The following IDO2 variants were observed in gnomAD, a reference collection of about 807,000 sequenced individuals.
IDO2 encodes indoleamine 2,3-dioxygenase 2.
IDO2 carries 46 observed loss-of-function variants against 45.1 expected under a neutral mutation model. The ratio of observed to expected loss-of-function variants is 1.02; its 90% CI spans 0.80 to 1.30. IDO2 has a LOEUF of 1.30. IDO2 is among the 50% of genes most tolerant of loss of function. The probability of loss-of-function intolerance (pLI) is 0.00; values close to 1 mark genes in which losing one functional copy is unlikely to be tolerated. For missense variants in IDO2, 544 were observed against 491.8 expected, an observed-to-expected ratio of 1.11 and a Z score of -1.00; for synonymous variants, 218 against 184.9, an observed-to-expected ratio of 1.18 and a Z score of -1.45.
At position 39,985,380 on chromosome 8, in the gene IDO2, TTGCACACA is replaced by T; in HGVS notation, c.435-127_435-120del. ...TGGATGTGTGTGTGCCTGCAGTGCC[TTGCACACA>T]AGTGTGCATGCCTGTGGACATGTGA... On this transcript the variant is annotated intron_variant, in intron 5 of 10. Transcript: ENST00000502986. 1.6e-5 allele frequency: 12 copies of T among 772,498 alleles called. 1 individual carries two copies. In the South Asian group the frequency reaches 2.1e-4, roughly 13 times the overall value. The allele number at this position is 772,498 out of a possible 1,614,324, so 47.9% of individuals were successfully genotyped here.
intron 2 of IDO2, among the ~76,000 whole-genome samples, chr8:39,961,007 T>A (rs896132667): frequency 6.6e-6 from 1 of 152,288 alleles, no homozygotes; most frequent in Admixed American, 6.5e-5. Flanking sequence ...ATGGTCTTGA[T>A]CTCCTGACCT....
chr8:39,937,644 C>A (rs1807578231), intron 1 of IDO2, among the ~76,000 whole-genome samples: 1 of 151,980 alleles, frequency 6.6e-6, no homozygotes. Context: ...CCTCAACCCC[C>A]CACGTAGCTA....
At chr8:39,980,220 A>G (rs1808322800) in intron 4 of IDO2, among the ~76,000 whole-genome samples, 1 of 152,220 alleles carries the variant, frequency 6.6e-6, no homozygotes, top group Non-Finnish European at 1.5e-5. Context: ...TAAAGTAACA[A>G]GAGCCATACC....
At chr8:39,948,623 A>G (rs769491054) in intron 1 of IDO2, among the ~76,000 whole-genome samples, 4 of 152,198 alleles carry the variant, frequency 2.6e-5, no homozygotes, top group Non-Finnish European at 2.9e-5. Context: ...CTAATGGTAG[A>G]AAAAAAGAGA....
intron 7 of IDO2, among the ~76,000 whole-genome samples, chr8:39,988,520 C>T (rs147478943): frequency 4.5e-4 from 68 of 152,334 alleles, no homozygotes; most frequent in Admixed American, 1.2e-3. Context: ...CAATCTCCAC[C>T]TCCCAGGTTC....
intron 3 of IDO2, among the ~76,000 whole-genome samples, chr8:39,969,645 C>T (rs913902664): frequency 5.3e-5 from 8 of 152,272 alleles, no homozygotes; most frequent in Non-Finnish European, 7.4e-5. Context: ...GAAGCCAAGG[C>T]GGGGAGATCA....
At chr8:39,969,200 G>T (rs1234721058) in intron 3 of IDO2, among the ~76,000 whole-genome samples, 2 of 152,132 alleles carry the variant, frequency 1.3e-5, no homozygotes, top group African/African-American at 4.8e-5. Context: ...CTTGCATCAA[G>T]CAAGTCTGTC....
intron 2 of IDO2, among the ~76,000 whole-genome samples, chr8:39,958,275 C>T (rs1470751379): frequency 6.6e-6 from 1 of 152,130 alleles, no homozygotes; most frequent in African/African-American, 2.4e-5. Flanking sequence ...GATCTCAGCT[C>T]ACTGCAACCT....
At chr8:39,949,578 T>C (rs12677574) in intron 2 of IDO2, among the ~76,000 whole-genome samples, 59,107 of 152,036 alleles carry the variant, frequency 0.39, 12,678 homozygotes, top group Non-Finnish European at 0.49. Context: ...AGAACAAATA[T>C]AGAGCCTCAG....
At chr8:39,945,640 C>T (rs530686690) in intron 1 of IDO2, among the ~76,000 whole-genome samples, 2 of 152,120 alleles carry the variant, frequency 1.3e-5, no homozygotes, top group African/African-American at 4.8e-5. Flanking sequence ...AAGGGTATAA[C>T]GAGGAGTGTC....
chr8:39,969,357 T>C (rs779121308), intron 3 of IDO2, among the ~76,000 whole-genome samples: 3 of 152,114 alleles, frequency 2.0e-5, no homozygotes, highest in African/African-American at 4.8e-5. Context: ...ATCATAATCG[T>C]TTTGAAGGTG....
intron 2 of IDO2, among the ~76,000 whole-genome samples, chr8:39,950,616 C>T (rs1194451550): frequency 1.3e-5 from 2 of 152,230 alleles, no homozygotes; most frequent in East Asian, 3.8e-4. Context: ...CACGAGAGCA[C>T]ACCAAACAAA....
chr8:39,940,632 ATTAT>A (rs1338276692), intron 1 of IDO2, among the ~76,000 whole-genome samples: 2 of 152,184 alleles, frequency 1.3e-5, no homozygotes, highest in Non-Finnish European at 2.9e-5. Flanking sequence ...TACGCAATAT[ATTAT>A]TAACTATGGT....
intron 2 of IDO2, among the ~76,000 whole-genome samples, chr8:39,949,774 A>T (rs189662403): frequency 1.3e-5 from 2 of 152,298 alleles, no homozygotes; most frequent in Non-Finnish European, 2.9e-5. Flanking sequence ...CGACATTTTG[A>T]TGTAAATTAG....
chr8:39,987,851 G>A lies in IDO2; in HGVS notation c.450-20G>A, dbSNP rs772159689. 1.2e-5 allele frequency: 18 copies of A among 1,467,318 alleles called. No homozygotes were observed. The highest frequency in any genetic ancestry group is 1.7e-5 in the Non-Finnish European group (18 of 1,055,564). 90.9% of individuals were successfully genotyped at this position (1,467,318 alleles called of 1,614,324 possible). A position where few individuals can be genotyped will look rare whatever the true frequency, so the allele number is the denominator to read the frequency against. Reference sequence around the variant, plus strand: ...GTACAGTCTCCACACCTCTAATCATGTGCTCCTCTCCTTCCCAAGGAACCT... The same window carrying A: ...GTACAGTCTCCACACCTCTAATCATATGCTCCTCTCCTTCCCAAGGAACCT... On this transcript the variant is annotated intron_variant, in intron 6 of 10. Transcript: ENST00000502986.
At chr8:39,992,095 A>G (rs1036663964) in intron 8 of IDO2, among the ~76,000 whole-genome samples, 1 of 152,232 alleles carries the variant, frequency 6.6e-6, no homozygotes, top group Non-Finnish European at 1.5e-5. Flanking sequence ...AGATGGCCCC[A>G]TGCCATCCTG....
At chr8:39,964,794 G>T (rs560151450) in intron 3 of IDO2, among the ~76,000 whole-genome samples, 1 of 152,296 alleles carries the variant, frequency 6.6e-6, no homozygotes, top group East Asian at 1.9e-4. Flanking sequence ...GAAAAATAGA[G>T]AAAAGTTCCA....
intron 8 of IDO2, among the ~76,000 whole-genome samples, chr8:39,992,465 G>C (rs1410667796): frequency 5.3e-5 from 8 of 152,164 alleles, no homozygotes. Flanking sequence ...AGCCACTGTG[G>C]AGCAGAGTCA....
exon 11 of IDO2, chr8:40,016,342 G>T (rs1389170492): frequency 2.5e-6 from 1 of 394,368 alleles, no homozygotes; most frequent in African/African-American, 2.1e-5. Context: ...CTGGGAATAA[G>T]TAGTAAATCA....
Sources: allele counts gnomAD v4.1 joint callset (sites outside exome capture counted in the v4.1 genomes callset), GRCh38; gene constraint gnomAD v4.1.1; transcripts MANE v1.5; gene names NCBI Gene and HGNC (gene_info 2026-07-23, HGNC 2026-07-21).